SAMD5: variants seen among roughly 807,000 people sequenced by gnomAD.
The protein encoded by SAMD5 is sterile alpha motif domain containing 5.
A neutral mutation model predicts 11.3 loss-of-function variants in SAMD5; 13 were observed. The ratio of observed to expected loss-of-function variants is 1.15; its 90% confidence interval spans 0.75 to 1.83. The LOEUF is 1.83. Ranked by LOEUF, SAMD5 falls within the 40% of genes most tolerant of loss-of-function variation. The probability of loss-of-function intolerance (pLI) is 0.00; values close to 1 mark genes in which losing one functional copy is unlikely to be tolerated. For synonymous variants in SAMD5, 129 were observed against 111.3 expected (o/e 1.16, Z -1.00); for missense variants, 255 against 239.1 (o/e 1.07, Z -0.44).
In SAMD5 at chr6:147,532,902, C is replaced by T. The variant is rs924744833; in HGVS notation, c.459+23515C>T. 2.0e-5 allele frequency among the ~76,000 whole-genome samples: 3 copies of T among 152,064 alleles called. No homozygotes were observed. In the South Asian group the frequency reaches 6.3e-4, roughly 32 times the overall value. ...GAGAGCCAGTTGTTAAACATTTAGC[C>T]CTGCACTACCGAGAGGGCATTTTTA... On this transcript the variant is annotated intron_variant, in intron 1 of 1. Coordinates refer to ENST00000367474, the MANE Select transcript of SAMD5 (RefSeq NM_001030060.3).
At chr6:147,784,980 T>A in the SAMD5 span, among the ~76,000 whole-genome samples, 1 of 152,186 alleles carries the variant, frequency 6.6e-6, no homozygotes, top group South Asian at 2.1e-4. Context: ...GATAATATAT[T>A]TGTTATTTTA....
chr6:147,682,800 G>A (rs999330354), intron 1 of SAMD5, among the ~76,000 whole-genome samples: 1 of 151,890 alleles, frequency 6.6e-6, no homozygotes, highest in African/African-American at 2.4e-5. Context: ...ATCAGTTCTT[G>A]GAGTTGATAT....
the SAMD5 span, among the ~76,000 whole-genome samples, chr6:147,948,278 G>GAA: frequency 0.057 from 7,807 of 138,152 alleles, 237 homozygotes; most frequent in Non-Finnish European, 0.068. Flanking sequence ...TGCAAGGAGA[G>GAA]AAAAAAAAAA....
At chr6:147,931,803 A>G in the SAMD5 span, among the ~76,000 whole-genome samples, 1 of 152,312 alleles carries the variant, frequency 6.6e-6, no homozygotes, top group Admixed American at 6.5e-5. Flanking sequence ...TGTGGCAATC[A>G]GAGGAGGATG....
At chr6:147,528,855 C>T (rs1788385083) in intron 1 of SAMD5, among the ~76,000 whole-genome samples, 1 of 152,192 alleles carries the variant, frequency 6.6e-6, no homozygotes, top group South Asian at 2.1e-4. Flanking sequence ...TGCACATTTG[C>T]ATGGCATTTA....
At chr6:147,677,815 C>A (rs992136482) in intron 1 of SAMD5, among the ~76,000 whole-genome samples, 2 of 152,088 alleles carry the variant, frequency 1.3e-5, no homozygotes, top group Non-Finnish European at 2.9e-5. Flanking sequence ...ACCTTAGAGG[C>A]CCAACCAAAA....
At chr6:147,892,061 G>C in the SAMD5 span, among the ~76,000 whole-genome samples, 2 of 152,204 alleles carry the variant, frequency 1.3e-5, no homozygotes, top group Non-Finnish European at 2.9e-5. Flanking sequence ...GGCCGACAAT[G>C]CTGGATCAGT....
chr6:147,576,234 G>A (rs374597279), intron 1 of SAMD5, among the ~76,000 whole-genome samples: 5 of 151,050 alleles, frequency 3.3e-5, no homozygotes, highest in Non-Finnish European at 7.4e-5. Context: ...TCTACCTCCC[G>A]GGTTCAAGCA....
chr6:147,763,137 A>AT, the SAMD5 span, among the ~76,000 whole-genome samples: 3 of 151,888 alleles, frequency 2.0e-5, no homozygotes, highest in Non-Finnish European at 2.9e-5. Flanking sequence ...AAATTTTGAG[A>AT]TTTTTTTCAT....
the SAMD5 span, among the ~76,000 whole-genome samples, chr6:147,836,817 T>C: frequency 3.3e-5 from 5 of 152,162 alleles, no homozygotes; most frequent in African/African-American, 1.2e-4. Flanking sequence ...CTAGCCCAAT[T>C]TCAGGTACAA....
At position 147,565,218 on chromosome 6, in the gene SAMD5, G is replaced by C. The variant is rs149619908; in HGVS notation, c.*762G>C. 365 of 985,906 alleles carry C rather than the reference G, an allele frequency of 3.7e-4. 1 individual carries two copies. The African/African-American group carries it at 5.4e-3, about 15-fold the overall frequency. The allele number at this position is 985,906 out of a possible 1,614,324, so 61.1% of individuals were successfully genotyped here. On this transcript the variant is annotated 3_prime_UTR_variant, in exon 2 of 2. Coordinates refer to ENST00000367474, the MANE Select transcript of SAMD5 (RefSeq NM_001030060.3). ...CTTCATAGCTAGTTTCTTGCACTCT[G>C]TGGAGACTGCCAGGGCCGCAGCTCA... is the stretch of plus-strand genomic sequence containing the variant.
intron 1 of SAMD5, among the ~76,000 whole-genome samples, chr6:147,716,766 G>T (rs1322867718): frequency 6.6e-6 from 1 of 152,188 alleles, no homozygotes. Context: ...TTAAACTAAA[G>T]ATACTTCTAT....
the SAMD5 span, among the ~76,000 whole-genome samples, chr6:147,779,348 A>G: frequency 3.3e-5 from 5 of 152,180 alleles, no homozygotes; most frequent in South Asian, 1.0e-3. Flanking sequence ...TGAGTTAAAA[A>G]TTGATCACAT....
intron 1 of SAMD5, among the ~76,000 whole-genome samples, chr6:147,524,412 T>G (rs1788304077): frequency 6.7e-6 from 1 of 149,876 alleles, no homozygotes; most frequent in Admixed American, 6.7e-5. Context: ...TTTTTGTTTT[T>G]GTTTTTGTTG....
At chr6:147,644,381 A>G (rs974885573) in intron 1 of SAMD5, among the ~76,000 whole-genome samples, 3 of 152,212 alleles carry the variant, frequency 2.0e-5, no homozygotes, top group African/African-American at 7.2e-5. Context: ...GTTTACTCAC[A>G]TTCTTTGGAA....
At chr6:147,849,359 A>ATTTT in the SAMD5 span, among the ~76,000 whole-genome samples, 1 of 151,616 alleles carries the variant, frequency 6.6e-6, no homozygotes, top group Non-Finnish European at 1.5e-5. Flanking sequence ...TGCTTTAAAA[A>ATTTT]TTTTTTTTTA....
chr6:147,902,380 C>T, the SAMD5 span, among the ~76,000 whole-genome samples: 5 of 151,378 alleles, frequency 3.3e-5, no homozygotes, highest in Non-Finnish European at 7.4e-5. Flanking sequence ...TTCTTTGTTC[C>T]GCATCTTCTT....
At chr6:147,527,134 T>C (rs1241239445) in intron 1 of SAMD5, among the ~76,000 whole-genome samples, 1 of 152,232 alleles carries the variant, frequency 6.6e-6, no homozygotes, top group Non-Finnish European at 1.5e-5. Flanking sequence ...TTTCCTCTTT[T>C]CATTGATCAA....
chr6:147,773,928 G>A, the SAMD5 span, among the ~76,000 whole-genome samples: 1 of 152,010 alleles, frequency 6.6e-6, no homozygotes, highest in Admixed American at 6.6e-5. Flanking sequence ...TTGCAGCCTC[G>A]ACCTCCCAGG....
Sources: gnomAD v4.1 joint callset for allele counts (sites outside exome capture counted in the v4.1 genomes callset) on GRCh38, gnomAD v4.1.1 for gene constraint, MANE v1.5 for transcripts, NCBI Gene and HGNC (gene_info 2026-07-23, HGNC 2026-07-21) for gene names.